CPXM2: variants seen among roughly 807,000 people sequenced by gnomAD.
CPXM2 encodes inactive carboxypeptidase-like protein X2.
Under a neutral mutation model 86.1 loss-of-function variants are expected in CPXM2, and 66 were observed. That is an observed-to-expected ratio of 0.77 (90% CI 0.63 to 0.94). The LOEUF (loss-of-function observed/expected upper bound fraction) is 0.94. Among genes scored for constraint, CPXM2 ranks in the 40% least tolerant of loss-of-function variants. The pLI is 0.00. For synonymous variants in CPXM2, 388 were observed against 400.2 expected, an observed-to-expected ratio of 0.97 and a Z score of 0.36; for missense variants, 948 against 1,026.3, an observed-to-expected ratio of 0.92 and a Z score of 1.04.
intron 4 of CPXM2, among the ~76,000 whole-genome samples, chr10:123,812,135 AT>A (rs1440229406): frequency 2.0e-5 from 3 of 152,350 alleles, no homozygotes; most frequent in African/African-American, 7.2e-5. Context: ...TAGCAGCATT[AT>A]TCTTAAGAGA....
At chr10:123,839,293 C>A (rs1444319466) in intron 4 of CPXM2, among the ~76,000 whole-genome samples, 1 of 152,220 alleles carries the variant, frequency 6.6e-6, no homozygotes, top group Non-Finnish European at 1.5e-5. Flanking sequence ...CTCCAGACAC[C>A]TGTGGCTTCT....
chr10:123,894,325 T>C (rs887600813), upstream of CPXM2, among the ~76,000 whole-genome samples: 9 of 152,198 alleles, frequency 5.9e-5, no homozygotes, highest in African/African-American at 2.2e-4. Context: ...CCTCTCAACA[T>C]GTCCCTGGAA....
chr10:123,903,039 A>G (rs949939968), intron 2 of CPXM2, among the ~76,000 whole-genome samples: 3 of 152,190 alleles, frequency 2.0e-5, no homozygotes, highest in East Asian at 1.9e-4. Flanking sequence ...TGCACATCGA[A>G]GCCCAACTCT....
At chr10:123,818,468 C>T (rs186680020) in intron 4 of CPXM2, among the ~76,000 whole-genome samples, 1 of 152,306 alleles carries the variant, frequency 6.6e-6, no homozygotes, top group East Asian at 1.9e-4. Flanking sequence ...CCTCTTTCAT[C>T]ATGGAAAGGG....
At chr10:123,864,830 A>C (rs1369048246) in intron 2 of CPXM2, among the ~76,000 whole-genome samples, 2 of 152,174 alleles carry the variant, frequency 1.3e-5, no homozygotes, top group Non-Finnish European at 2.9e-5. Flanking sequence ...GAAGTACCTG[A>C]CTAAAATTAC....
intron 12 of CPXM2, among the ~76,000 whole-genome samples, chr10:123,755,003 T>C (rs896974905): frequency 2.0e-5 from 3 of 152,222 alleles, no homozygotes; most frequent in Admixed American, 6.5e-5. Context: ...AAGCTAGCAT[T>C]AGGGAAGCAT....
Position 123,805,670 on chromosome 10 carries a change from T to C in CPXM2, c.654-6471A>G, listed in dbSNP as rs1847563446. 2.6e-5 allele frequency among the ~76,000 whole-genome samples: 4 copies of C among 152,202 alleles called. No individual in the cohort carries two copies. The South Asian group carries it at 8.3e-4, about 31-fold the overall frequency. On this transcript the variant is annotated intron_variant, in intron 4 of 13. Transcript: ENST00000241305. Reference sequence around the variant, plus strand: ...GTGCACTTGAAAACAATATCGGCTCTGTAATTGTTGGATGCAATGTTCCAT... The same window carrying C: ...GTGCACTTGAAAACAATATCGGCTCCGTAATTGTTGGATGCAATGTTCCAT...
At chr10:123,836,431 C>T (rs958254253) in intron 4 of CPXM2, among the ~76,000 whole-genome samples, 2 of 152,076 alleles carry the variant, frequency 1.3e-5, no homozygotes, top group African/African-American at 4.8e-5. Flanking sequence ...ACTCCTGACA[C>T]AGTTTGTGCC....
chr10:123,833,230 G>T (rs1479989059), intron 4 of CPXM2, among the ~76,000 whole-genome samples: 7 of 152,152 alleles, frequency 4.6e-5, no homozygotes. Context: ...AACCCATGTG[G>T]GCAGGGTTAC....
chr10:123,926,608 T>G (rs998643040), intron 2 of CPXM2, among the ~76,000 whole-genome samples: 1 of 152,252 alleles, frequency 6.6e-6, no homozygotes, highest in African/African-American at 2.4e-5. Flanking sequence ...CGGTTTAGCT[T>G]TCTGCAAAGC....
chr10:123,917,446 T>C (rs368014954), intron 2 of CPXM2, among the ~76,000 whole-genome samples: 12 of 152,260 alleles, frequency 7.9e-5, no homozygotes, highest in African/African-American at 2.7e-4. Flanking sequence ...GGACAGAACC[T>C]TCCTTCCAAC....
At chr10:123,915,451 G>A (rs1475865339) in intron 2 of CPXM2, among the ~76,000 whole-genome samples, 1 of 152,172 alleles carries the variant, frequency 6.6e-6, no homozygotes, top group Non-Finnish European at 1.5e-5. Context: ...CCAGCTATTT[G>A]GGAGGCTAAG....
intron 13 of CPXM2, among the ~76,000 whole-genome samples, chr10:123,753,483 T>G (rs1846126838): frequency 6.6e-6 from 1 of 152,216 alleles, no homozygotes; most frequent in African/African-American, 2.4e-5. Context: ...CACTAACCCC[T>G]TAACCATCAG....
chr10:123,761,839 C>T (rs1195777366), intron 11 of CPXM2, 33 bp downstream of exon 11: 7 of 1,601,372 alleles, frequency 4.4e-6, no homozygotes, highest in African/African-American at 2.7e-5. Flanking sequence ...CCTCCTGCGC[C>T]CGCAGCCCAC....
At chr10:123,789,841 G>A (rs569410652) in intron 6 of CPXM2, among the ~76,000 whole-genome samples, 310 of 152,222 alleles carry the variant, frequency 2.0e-3, no homozygotes, top group African/African-American at 7.0e-3. Flanking sequence ...AGGGGTGGCC[G>A]GGTGCGGTGG....
chr10:123,862,057 G>A (rs2134195169), intron 3 of CPXM2, among the ~76,000 whole-genome samples: 1 of 152,334 alleles, frequency 6.6e-6, no homozygotes, highest in African/African-American at 2.4e-5. Flanking sequence ...TGACAGAGAG[G>A]GAGGCCTGAC....
intron 4 of CPXM2, among the ~76,000 whole-genome samples, chr10:123,820,856 G>A (rs1847910802): frequency 6.6e-6 from 1 of 152,144 alleles, no homozygotes. Flanking sequence ...GATGAGATTG[G>A]ACTCACGTGG....
At chr10:123,916,644 T>C (rs1170709480) in intron 2 of CPXM2, among the ~76,000 whole-genome samples, 1 of 152,234 alleles carries the variant, frequency 6.6e-6, no homozygotes, top group Non-Finnish European at 1.5e-5. Context: ...TTCCTCTCTC[T>C]TCCTCAGCTC....
upstream of CPXM2, among the ~76,000 whole-genome samples, chr10:123,895,121 C>CTTTTTTTTTTTTTTTTTTTTTTTTTTT: frequency 1.2e-5 from 1 of 85,892 alleles, no homozygotes; most frequent in Non-Finnish European, 2.2e-5. Flanking sequence ...TCTTTTTTTT[C>CTTTTTTTTTTTTTTTTTTTTTTTTTTT]TTTTTTTTTT....
Sources: allele counts gnomAD v4.1 joint callset (sites outside exome capture counted in the v4.1 genomes callset), GRCh38; gene constraint gnomAD v4.1.1; transcripts MANE v1.5; gene names NCBI Gene and HGNC (gene_info 2026-07-23, HGNC 2026-07-21).